Variants in TRERF1 observed in about 807,000 individuals in gnomAD.
TRERF1 encodes transcriptional-regulating factor 1.
A neutral mutation model predicts 122.9 loss-of-function variants in TRERF1; 27 were observed. That is an observed-to-expected ratio of 0.22 (90% CI 0.16 to 0.30). The LOEUF (loss-of-function observed/expected upper bound fraction) is 0.30. Ranked by LOEUF, TRERF1 falls within the 10% of genes least tolerant of loss-of-function variation. TRERF1 has a pLI of 1.00. For missense variants in TRERF1, 1,248 were observed against 1,560.3 expected, an observed-to-expected ratio of 0.80 and a Z score of 3.37; for synonymous variants, 636 against 641.7, an observed-to-expected ratio of 0.99 and a Z score of 0.13.
intron 3 of TRERF1, among the ~76,000 whole-genome samples, 199 bp from the exon 4 acceptor site, chr6:42,300,948 T>C (rs552030051): frequency 4.7e-4 from 71 of 152,160 alleles, no homozygotes; most frequent in South Asian, 2.3e-3. Context: ...GGCAGGGCAC[T>C]GAGGAATGAG....
rs565213817 is a variant in TRERF1, at chr6:42,394,340, G to A, written c.-453-31261C>T. Among the ~76,000 whole-genome samples, 6 of 152,170 alleles carry A rather than the reference G, an allele frequency of 3.9e-5. No homozygotes were observed. The South Asian group carries it at 6.2e-4, about 16-fold the overall frequency. On this transcript the variant is annotated intron_variant, in intron 2 of 17. Transcript: ENST00000372922. ...CTGTCTACACCCTCCCCTGATCAAC[G>A]CCCACCTTGGTGGGGGACAAGGCTT...
intron 3 of TRERF1, among the ~76,000 whole-genome samples, chr6:42,359,851 A>C (rs1175647130): frequency 6.6e-6 from 1 of 152,170 alleles, no homozygotes. Flanking sequence ...TTGCCATAAA[A>C]TTTTAAAATC....
At chr6:42,429,279 T>C (rs1784119751) in intron 2 of TRERF1, among the ~76,000 whole-genome samples, 1 of 152,162 alleles carries the variant, frequency 6.6e-6, no homozygotes, top group Non-Finnish European at 1.5e-5. Flanking sequence ...CCCCCTGCCC[T>C]GGGAAGGTAG....
In TRERF1 at chr6:42,269,117, C is replaced by G; in HGVS notation, c.474G>C (p.Gln158His). ...GCAGCACCTGGGCCATATTGTTGAC[C>G]TGAATTCGCAGGTTTTGGTTGGCAA... is the stretch of plus-strand genomic sequence containing the variant. Residue 158 changes from glutamine to histidine, a missense_variant, in exon 5 of 18, where the codon CAG becomes CAC. Coordinates refer to ENST00000372922, the Ensembl canonical transcript of TRERF1. This position sits in a 1 kb window ranked among gnomAD's most constrained non-coding sequence, Gnocchi z 4.9. The G allele has an allele frequency of 1.2e-6, 2 of 1,614,208 alleles. No individual in the cohort carries two copies. Among genetic ancestry groups the G allele is most frequent in the Non-Finnish European group, 1.7e-6 (2 of 1,180,036 alleles).
intron 9 of TRERF1, among the ~76,000 whole-genome samples, chr6:42,258,722 C>T (rs899138510): frequency 2.0e-5 from 3 of 152,054 alleles, no homozygotes; most frequent in Non-Finnish European, 4.4e-5. Context: ...CTACAGGTGC[C>T]TGCTACCACA....
At chr6:42,270,537 C>A (rs536951403) in intron 4 of TRERF1, among the ~76,000 whole-genome samples, 2 of 152,024 alleles carry the variant, frequency 1.3e-5, no homozygotes, top group African/African-American at 4.8e-5. Context: ...AGGCACAATG[C>A]GGAGAAATGA....
At chr6:42,394,547 C>T (rs992272469) in intron 2 of TRERF1, among the ~76,000 whole-genome samples, 2 of 152,174 alleles carry the variant, frequency 1.3e-5, no homozygotes, top group Non-Finnish European at 2.9e-5. Context: ...TCCAGGCTCA[C>T]TCAGCCAGCG....
chr6:42,329,677 G>A (rs1583064844), intron 3 of TRERF1, among the ~76,000 whole-genome samples: 2 of 152,106 alleles, frequency 1.3e-5, no homozygotes, highest in East Asian at 1.9e-4. Flanking sequence ...GAAAAAGACC[G>A]AGACATTTTA....
At chr6:42,321,409 A>C (rs189077457) in intron 3 of TRERF1, among the ~76,000 whole-genome samples, 1 of 152,220 alleles carries the variant, frequency 6.6e-6, no homozygotes, top group Non-Finnish European at 1.5e-5. Flanking sequence ...GTTTGAGAGA[A>C]AAAAAATGAG....
At chr6:42,233,492 A>T (rs150356629) in intron 16 of TRERF1, among the ~76,000 whole-genome samples, 2 of 151,674 alleles carry the variant, frequency 1.3e-5, no homozygotes, top group Non-Finnish European at 2.9e-5. Flanking sequence ...TCACCGTGTT[A>T]GCCAGGATGG....
intron 2 of TRERF1, among the ~76,000 whole-genome samples, chr6:42,410,896 G>T (rs1008149635): frequency 6.6e-6 from 1 of 152,208 alleles, no homozygotes; most frequent in African/African-American, 2.4e-5. Flanking sequence ...TTCTTGAAAT[G>T]AGCAGGGCAT....
intron 2 of TRERF1, among the ~76,000 whole-genome samples, chr6:42,385,614 C>G (rs2151189666): frequency 6.6e-6 from 1 of 152,280 alleles, no homozygotes; most frequent in African/African-American, 2.4e-5. Context: ...GCAGGCACCT[C>G]TAGAAGCCAC....
intron 2 of TRERF1, among the ~76,000 whole-genome samples, chr6:42,409,986 A>C (rs753787412): frequency 1.3e-5 from 2 of 152,192 alleles, no homozygotes; most frequent in Admixed American, 6.5e-5. Context: ...CACTGAGACC[A>C]AATTCATTCA....
intron 4 of TRERF1, among the ~76,000 whole-genome samples, chr6:42,277,464 A>G (rs546581868): frequency 5.1e-4 from 78 of 152,270 alleles, no homozygotes; most frequent in African/African-American, 1.7e-3. Flanking sequence ...GCTTAAAGAT[A>G]CAGGTTTGTC....
intron 13 of TRERF1, among the ~76,000 whole-genome samples, chr6:42,247,488 G>A (rs960931031): frequency 2.6e-5 from 4 of 152,146 alleles, no homozygotes; most frequent in Non-Finnish European, 1.5e-5. Context: ...TTCAAAGAAC[G>A]ACTAGTAATC....
At chr6:42,314,311 C>A (rs1407007009) in intron 3 of TRERF1, among the ~76,000 whole-genome samples, 3 of 152,202 alleles carry the variant, frequency 2.0e-5, no homozygotes, top group Non-Finnish European at 4.4e-5. Context: ...AGAAAACATG[C>A]TTTAGAGTAT....
chr6:42,259,691 G>T lies in TRERF1; in HGVS notation c.1917C>A (p.Pro639=). 1 of 1,605,402 alleles carries T rather than the reference G, an allele frequency of 6.2e-7. No individual in the cohort carries two copies. Among genetic ancestry groups the T allele is most frequent in the South Asian group, 1.1e-5 (1 of 91,082 alleles). ...CGGTCTTGAGGGGCTCCTCGGCTTT[G>T]GGCACACTCGGCTGATGCTTCCTGG... The change falls in exon 9 of 18, where the codon CCC becomes CCA. Residue 639 remains proline, a synonymous_variant. Coordinates refer to ENST00000372922, the Ensembl canonical transcript of TRERF1. This position sits in a 1 kb window ranked among gnomAD's most constrained non-coding sequence, Gnocchi z 4.9.
At chr6:42,301,528 G>A (rs528155741) in intron 3 of TRERF1, among the ~76,000 whole-genome samples, 262 of 152,194 alleles carry the variant, frequency 1.7e-3, no homozygotes, top group African/African-American at 5.9e-3. Context: ...GTGCCCAGCC[G>A]AAGGACCAGT....
chr6:42,436,817 ATATATATATATAT>A (rs1785516997), intron 2 of TRERF1, among the ~76,000 whole-genome samples: 2 of 75,914 alleles, frequency 2.6e-5, no homozygotes, highest in Non-Finnish European at 2.9e-5. Flanking sequence ...AAAAAAAAAT[ATATATATATATAT>A]ATATATATAT....
Sources: gnomAD v4.1 joint callset for allele counts (sites outside exome capture counted in the v4.1 genomes callset) on GRCh38, gnomAD v4.1.1 for gene constraint, Gnocchi (gnomAD v3.1) non-coding constraint, MANE v1.5 for transcripts, NCBI Gene and HGNC (gene_info 2026-07-23, HGNC 2026-07-21) for gene names.